The following AIFM2 variants were observed in gnomAD, a reference collection of about 807,000 sequenced individuals.
AIFM2 encodes AIF family member 2, ferroptosis suppressor.
AIFM2 carries 38 observed loss-of-function variants against 35.7 expected under a neutral mutation model. The ratio of observed to expected loss-of-function variants is 1.06; its 90% CI spans 0.82 to 1.39. The LOEUF (loss-of-function observed/expected upper bound fraction) is 1.39, where lower values mean the gene tolerates loss of function less well. AIFM2 is among the 40% of genes most tolerant of loss of function. The probability of loss-of-function intolerance (pLI) is 0.00; values close to 1 mark genes in which losing one functional copy is unlikely to be tolerated. For missense variants in AIFM2, 476 were observed against 491.2 expected (o/e 0.97, Z 0.29); for synonymous variants, 185 against 203.5 (o/e 0.91, Z 0.77).
At chr10:70,127,405 G>A (rs2072580362) in intron 1 of AIFM2, among the ~76,000 whole-genome samples, 1 of 152,318 alleles carries the variant, frequency 6.6e-6, no homozygotes, top group South Asian at 2.1e-4. Context: ...TGAGATCAGG[G>A]GGCCTTCCTA....
Position 70,124,028 on chromosome 10 carries a change from C to T in AIFM2, c.57G>A (p.Gly19=), listed in dbSNP as rs1158427341. 6.2e-7 allele frequency: 1 copy of T among 1,611,868 alleles called. No individual in the cohort carries two copies. Residue 19 remains glycine, a synonymous_variant, in exon 2 of 9, where the codon GGG becomes GGA. Transcript: ENST00000307864. ...TGGCTGCTGCGATCCCGCCAAAGCC[C>T]CCACCCACAATCACCACGTGCAGAG... ...SGALHVVIVG[G]GFGGIAAASQ...
chr10:70,122,835 G>A (rs910468161), intron 3 of AIFM2, among the ~76,000 whole-genome samples: 4 of 152,042 alleles, frequency 2.6e-5, no homozygotes, highest in Non-Finnish European at 4.4e-5. Context: ...TACCACCTTC[G>A]CCATAGAGGC....
At chr10:70,120,970 ACT>A in intron 4 of AIFM2, 120 bp downstream of exon 4, 1 of 1,480,334 alleles carries the variant, frequency 6.8e-7, no homozygotes, top group Non-Finnish European at 9.0e-7. Flanking sequence ...TGACTCTCCA[ACT>A]CTATGGCTAC....
chr10:70,120,750 C>A, intron 4 of AIFM2, 151 bp from the exon 5 acceptor site: 1 of 848,442 alleles, frequency 1.2e-6, no homozygotes. Context: ...TTCCTCCCAC[C>A]CACCTCGCAG....
Position 70,121,167 on chromosome 10 carries a change from C to T in AIFM2, c.339G>A (p.Gly113=). 3 of 1,541,356 alleles carry T rather than the reference C, an allele frequency of 1.9e-6. No homozygotes were observed. The highest frequency in any genetic ancestry group is 1.5e-5 in the African/African-American group (1 of 68,410). ...SHLILATGST[G]PFPGKFNEVS... ...CCTCATTAAACTTGCCCGGGAAGGG[C>T]CCAGTGCTGCCCGTGGCCAGGATAA... The change falls in exon 4 of 9, where the codon GGG becomes GGA. Residue 113 remains glycine (G), a synonymous_variant. Coordinates refer to ENST00000307864, the MANE Select transcript of AIFM2 (RefSeq NM_032797.6).
rs2072390576 is a variant in AIFM2, at chr10:70,112,765, G to GCT, written c.*1411_*1412dup. On this transcript the variant is annotated 3_prime_UTR_variant, in exon 9 of 9. Transcript: ENST00000307864. The stretch of plus-strand genomic sequence containing the variant: ...ATTTAACCCAGGCAGTCCAAGAGGG[G>GCT]CTCCTCTGGATTGGAAGATCTCTCC... The GCT allele has an allele frequency of 6.6e-6, 1 of 152,236 alleles. No homozygotes were observed. The highest frequency in any genetic ancestry group is 6.5e-5 in the Admixed American group (1 of 15,278). The allele number at this position is 152,236 out of a possible 1,614,324, so 9.4% of individuals were successfully genotyped here.
chr10:70,114,805 A>G (rs1309878076), intron 8 of AIFM2, 115 bp downstream of exon 8: 11 of 1,287,442 alleles, frequency 8.5e-6, no homozygotes, highest in East Asian at 2.5e-5. Flanking sequence ...GGATGTTTCC[A>G]TCACCAGCTT....
chr10:70,118,999 T>A (rs533810637), intron 5 of AIFM2, among the ~76,000 whole-genome samples: 2 of 152,174 alleles, frequency 1.3e-5, no homozygotes, highest in African/African-American at 4.8e-5. Context: ...GAGAGGGGGC[T>A]GGAGATTGAG....
At chr10:70,114,621 T>C (rs2072414439) in intron 8 of AIFM2, among the ~76,000 whole-genome samples, 1 of 152,096 alleles carries the variant, frequency 6.6e-6, no homozygotes, top group Non-Finnish European at 1.5e-5. Flanking sequence ...ATTACAGGCA[T>C]GCACCACCAC....
rs2072622191 is a variant in AIFM2, at chr10:70,131,128, G to A, written c.-14+1606C>T. On this transcript the variant is annotated intron_variant, in intron 1 of 8. Coordinates refer to ENST00000307864, the MANE Select transcript of AIFM2 (RefSeq NM_032797.6). The surrounding 1 kb of genome is among the most constrained non-coding windows in gnomAD (Gnocchi z 4.1). The stretch of plus-strand genomic sequence containing the variant: ...TCAGAAGACACACAGCAGGAACCGT[G>A]TGGGCTCTGATCAAAGCAAGAATGT... 6.6e-6 allele frequency among the ~76,000 whole-genome samples: 1 copy of A among 152,200 alleles called. No homozygotes were observed. The highest frequency in any genetic ancestry group is 2.1e-4 in the South Asian group (1 of 4,834).
At chr10:70,121,237 A>G in intron 3 of AIFM2, 26 bp from the exon 4 acceptor site, 1 of 1,518,190 alleles carries the variant, frequency 6.6e-7, no homozygotes, top group Non-Finnish European at 8.7e-7. Flanking sequence ...AAAAAAAAAA[A>G]AAAAAAAAAA....
chr10:70,122,620 G>A (rs147562709), intron 3 of AIFM2, among the ~76,000 whole-genome samples: 13 of 152,324 alleles, frequency 8.5e-5, no homozygotes, highest in African/African-American at 1.9e-4. Context: ...GTCCCGATCC[G>A]GGGGATGTGG....
Position 70,112,963 on chromosome 10 carries a change from A to T in AIFM2, c.*1215T>A, listed in dbSNP as rs2072393074. The T allele has an allele frequency of 6.6e-6, 1 of 152,200 alleles. No homozygotes were observed. Among genetic ancestry groups the T allele is most frequent in the South Asian group, 2.1e-4 (1 of 4,830 alleles). The allele number at this position is 152,200 out of a possible 1,614,324, so 9.4% of individuals were successfully genotyped here. A position where few individuals can be genotyped will look rare whatever the true frequency, so the allele number is the denominator to read the frequency against. The stretch of plus-strand genomic sequence containing the variant: ...AGCATCAGCTGGAGTTTTGTCACTT[A>T]CAAATCTGCCCATAAGTAACCTAGA... On this transcript the variant is annotated 3_prime_UTR_variant, in exon 9 of 9. Coordinates refer to ENST00000307864, the MANE Select transcript of AIFM2 (RefSeq NM_032797.6).
chr10:70,121,036 C>G, intron 4 of AIFM2, 56 bp downstream of exon 4: 1 of 1,584,562 alleles, frequency 6.3e-7, no homozygotes, highest in Non-Finnish European at 8.6e-7. Flanking sequence ...CTAGGCATCC[C>G]CAAGGCTGTC....
In AIFM2 at chr10:70,125,437, C is replaced by CAAAAAAAAAA. The variant is rs199638586; in HGVS notation, c.-13-1350_-13-1341dup. On this transcript the variant is annotated intron_variant, in intron 1 of 8. Coordinates refer to ENST00000307864, the MANE Select transcript of AIFM2 (RefSeq NM_032797.6). ...GTAACATAGAGAGACTCTGTCTCTA[C>CAAAAAAAAAA]AAAAAAAAAAAAAAAAAAAAAAAAA... Among the ~76,000 whole-genome samples the CAAAAAAAAAA allele has an allele frequency of 3.7e-4, 25 of 67,960 alleles. 2 individuals carry two copies. Among genetic ancestry groups the CAAAAAAAAAA allele is most frequent in the Non-Finnish European group, 5.5e-4 (21 of 38,184 alleles). 44.6% of individuals were successfully genotyped at this position (67,960 alleles called of 152,430 possible). A position where few individuals can be genotyped will look rare whatever the true frequency, so the allele number is the denominator to read the frequency against.
Position 70,119,992 on chromosome 10 carries a change from C to T in AIFM2, c.507+515G>A, listed in dbSNP as rs368650115. On this transcript the variant is annotated intron_variant, in intron 5 of 8. Transcript: ENST00000307864. ...GCAGTGCTGTTCAGTCATTGCCCAG[C>T]GTGGGCAGAAAGGGCTCTGCTGCAG... Among the ~76,000 whole-genome samples, 14 of 152,356 alleles carry T rather than the reference C, an allele frequency of 9.2e-5. No individual in the cohort carries two copies. In the East Asian group the frequency reaches 1.3e-3, roughly 15 times the overall value.
At chr10:70,126,930 G>A (rs1483641913) in intron 1 of AIFM2, among the ~76,000 whole-genome samples, 1 of 152,238 alleles carries the variant, frequency 6.6e-6, no homozygotes, top group Middle Eastern at 3.4e-3. Context: ...CAACCCCCCG[G>A]CAGGCAGGGC....
At chr10:70,121,011 C>T in intron 4 of AIFM2, 81 bp downstream of exon 4, 1 of 1,543,302 alleles carries the variant, frequency 6.5e-7, no homozygotes. Flanking sequence ...ACCCCGTGGC[C>T]TCCCAGCTGC....
At chr10:70,120,999 TA>T (rs2072496439) in intron 4 of AIFM2, 92 bp downstream of exon 4, 5 of 1,520,420 alleles carry the variant, frequency 3.3e-6, no homozygotes, top group Non-Finnish European at 3.5e-6. Context: ...CAGCTCTGAG[TA>T]ACCCCGTGGC....
Sources: allele counts gnomAD v4.1 joint callset (sites outside exome capture counted in the v4.1 genomes callset), GRCh38; gene constraint gnomAD v4.1.1; non-coding constraint Gnocchi (gnomAD v3.1); transcripts MANE v1.5; gene names NCBI Gene and HGNC (gene_info 2026-07-23, HGNC 2026-07-21).